DGKB: variants seen among roughly 807,000 people sequenced by gnomAD.
DGKB encodes diacylglycerol kinase beta, also known as 90 kDa diacylglycerol kinase.
In DGKB, 67 loss-of-function variants were observed where a neutral mutation model predicts 114.3. The ratio of observed to expected loss-of-function variants is 0.59; its 90% CI spans 0.48 to 0.72. DGKB has a LOEUF of 0.72. Ranked by LOEUF, DGKB falls within the 30% of genes least tolerant of loss-of-function variation. DGKB has a pLI of 0.00. For missense variants in DGKB, 907 were observed against 975.2 expected (o/e 0.93, Z 0.93); for synonymous variants, 398 against 323.1 (o/e 1.23, Z -2.49).
intron 23 of DGKB, among the ~76,000 whole-genome samples, chr7:14,291,967 C>CTGTT (rs1382728443): frequency 6.6e-6 from 1 of 152,026 alleles, no homozygotes; most frequent in Non-Finnish European, 1.5e-5. Context: ...GTAGCTTCTA[C>CTGTT]TGTTTACCTC....
At chr7:14,353,394 C>G (rs764540988) in intron 21 of DGKB, among the ~76,000 whole-genome samples, 7 of 152,080 alleles carry the variant, frequency 4.6e-5, no homozygotes, top group Non-Finnish European at 1.0e-4. Context: ...TTTCTCTGAT[C>G]AAGACACATA....
intron 20 of DGKB, among the ~76,000 whole-genome samples, chr7:14,539,863 T>C (rs986930946): frequency 6.6e-6 from 1 of 152,128 alleles, no homozygotes; most frequent in Admixed American, 6.5e-5. Context: ...CTTCAGGGTA[T>C]AATACTCAGG....
At chr7:14,459,926 G>C (rs999618481) in intron 21 of DGKB, among the ~76,000 whole-genome samples, 1 of 152,146 alleles carries the variant, frequency 6.6e-6, no homozygotes, top group Non-Finnish European at 1.5e-5. Context: ...AGCCAGAAGA[G>C]AGAGGGGGGC....
intron 20 of DGKB, among the ~76,000 whole-genome samples, chr7:14,504,227 A>G (rs932128797): frequency 6.6e-6 from 1 of 152,138 alleles, no homozygotes; most frequent in Non-Finnish European, 1.5e-5. Context: ...CAAACTTTTC[A>G]TGGAGCCTTG....
chr7:14,357,430 T>C (rs1583383532), intron 21 of DGKB, among the ~76,000 whole-genome samples: 1 of 152,316 alleles, frequency 6.6e-6, no homozygotes, highest in Non-Finnish European at 1.5e-5. Flanking sequence ...CCTGCTTTAC[T>C]TTGCTTTCCA....
intron 1 of DGKB, among the ~76,000 whole-genome samples, chr7:14,901,153 T>G (rs1299527464): frequency 6.6e-6 from 1 of 152,146 alleles, no homozygotes; most frequent in East Asian, 1.9e-4. Context: ...ACTCCAACAA[T>G]GCCAAAAAAT....
At chr7:14,217,719 A>C (rs1481530592) in intron 23 of DGKB, among the ~76,000 whole-genome samples, 1 of 152,058 alleles carries the variant, frequency 6.6e-6, no homozygotes, top group African/African-American at 2.4e-5. Flanking sequence ...AATATTTTCC[A>C]CATGGAGCTC....
chr7:14,917,769 A>C (rs1784311153), intron 1 of DGKB, among the ~76,000 whole-genome samples: 1 of 152,014 alleles, frequency 6.6e-6, no homozygotes. Flanking sequence ...AACTCATTCT[A>C]TGAAGCTAGC....
intron 4 of DGKB, among the ~76,000 whole-genome samples, chr7:14,749,569 A>C (rs1016836145): frequency 4.6e-5 from 7 of 152,190 alleles, no homozygotes; most frequent in African/African-American, 1.7e-4. Flanking sequence ...GTTTAAGCAG[A>C]ATATTTTTAC....
At chr7:14,590,530 C>A (rs897317876) in intron 17 of DGKB, among the ~76,000 whole-genome samples, 3 of 152,074 alleles carry the variant, frequency 2.0e-5, no homozygotes, top group African/African-American at 7.2e-5. Context: ...CAAACATAAA[C>A]CCCATGTGAC....
At chr7:14,830,291 A>G (rs1362217635) in intron 2 of DGKB, among the ~76,000 whole-genome samples, 2 of 151,958 alleles carry the variant, frequency 1.3e-5, no homozygotes, top group African/African-American at 4.8e-5. Flanking sequence ...ATGCTGTGGG[A>G]GTTTGTTCAT....
At chr7:14,577,422 T>C (rs77152034) in intron 19 of DGKB, among the ~76,000 whole-genome samples, 1,624 of 152,132 alleles carry the variant, frequency 0.011, 27 homozygotes, top group Admixed American at 0.032. Flanking sequence ...TCAAGACCAT[T>C]CTGGCTAACA....
intron 24 of DGKB, among the ~76,000 whole-genome samples, chr7:14,177,710 A>C (rs569055272): frequency 1.6e-4 from 25 of 152,248 alleles, no homozygotes; most frequent in African/African-American, 6.0e-4. Context: ...GTTTTCATAG[A>C]TAATTTGCCC....
In DGKB at chr7:14,513,801, A is replaced by G. The variant is rs186925767; in HGVS notation, c.1771-35576T>C. ...AAAGCAGAAAGTTAAAAAGTGTAGAATTAAATTAAAATAATGAGCATATGG... is the reference window on the plus strand; with the variant it reads ...AAAGCAGAAAGTTAAAAAGTGTAGAGTTAAATTAAAATAATGAGCATATGG... On this transcript the variant is annotated intron_variant, in intron 20 of 25. Coordinates refer to ENST00000402815, the MANE Select transcript of DGKB (RefSeq NM_001350709.2). Among the ~76,000 whole-genome samples, 621 of 152,180 alleles carry G rather than the reference A, an allele frequency of 4.1e-3. 5 individuals carry two copies. Among genetic ancestry groups the G allele is most frequent in the African/African-American group, 0.014 (602 of 41,576 alleles).
At chr7:14,436,924 T>C (rs2128803477) in intron 21 of DGKB, among the ~76,000 whole-genome samples, 1 of 152,266 alleles carries the variant, frequency 6.6e-6, no homozygotes, top group East Asian at 1.9e-4. Flanking sequence ...TATTAAAAAC[T>C]ATATTATAGT....
intron 21 of DGKB, among the ~76,000 whole-genome samples, chr7:14,355,707 A>G (rs1814323770): frequency 6.6e-6 from 1 of 152,100 alleles, no homozygotes; most frequent in Non-Finnish European, 1.5e-5. Flanking sequence ...TTTTGCATCG[A>G]TCTTCATCAG....
chr7:14,706,364 A>G (rs1461502679), intron 6 of DGKB, among the ~76,000 whole-genome samples: 30 of 142,352 alleles, frequency 2.1e-4, no homozygotes, highest in Admixed American at 7.0e-4. Context: ...CACAATAATA[A>G]TGGGAGACTT....
At chr7:14,666,939 G>T (rs1264632894) in intron 13 of DGKB, among the ~76,000 whole-genome samples, 1 of 151,884 alleles carries the variant, frequency 6.6e-6, no homozygotes, top group Non-Finnish European at 1.5e-5. Context: ...CTGATGTAGG[G>T]AATCATTGTT....
intron 20 of DGKB, among the ~76,000 whole-genome samples, chr7:14,510,809 T>C (rs2128541881): frequency 6.6e-6 from 1 of 152,350 alleles, no homozygotes; most frequent in South Asian, 2.1e-4. Flanking sequence ...GCTTGCAGAA[T>C]GAATGTTGTG....
Sources: gnomAD v4.1 joint callset for allele counts (sites outside exome capture counted in the v4.1 genomes callset) on GRCh38, gnomAD v4.1.1 for gene constraint, MANE v1.5 for transcripts, NCBI Gene and HGNC (gene_info 2026-07-23, HGNC 2026-07-21) for gene names.